SNRPN: variants seen among roughly 807,000 people sequenced by gnomAD.
SNRPN encodes small nuclear ribonucleoprotein-associated protein N.
Under a neutral mutation model 25.2 loss-of-function variants are expected in SNRPN, and 7 were observed. That is an observed-to-expected ratio of 0.28 (90% CI 0.16 to 0.52). The LOEUF is 0.52. Among genes scored for constraint, SNRPN ranks in the 20% least tolerant of loss-of-function variants. SNRPN has a pLI of 0.96. For synonymous variants in SNRPN, 124 were observed against 110.6 expected, an observed-to-expected ratio of 1.12 and a Z score of -0.76; for missense variants, 196 against 322.5, an observed-to-expected ratio of 0.61 and a Z score of 3.00.
chr15:24,925,204 T>G lies in SNRPN; in HGVS notation c.-391+5080T>G, dbSNP rs183515732. ...AATATTGATGCCTCCAAATCCATAG[T>G]ATATATGTTGCTTACTAGCTTATAA... On this transcript the variant is annotated intron_variant, in intron 3 of 11. Coordinates refer to the SNRPN transcript ENST00000400097. Among the ~76,000 whole-genome samples, 149 of 152,244 alleles carry G rather than the reference T, an allele frequency of 9.8e-4. 1 individual carries two copies. Among genetic ancestry groups the G allele is most frequent in the African/African-American group, 3.4e-3 (142 of 41,560 alleles).
At chr15:24,949,202 A>G (rs927745014) in intron 3 of SNRPN, among the ~76,000 whole-genome samples, 1 of 151,130 alleles carries the variant, frequency 6.6e-6, no homozygotes, top group Admixed American at 6.6e-5. Context: ...TTGTATTTTT[A>G]GTAGAGACAA....
intron 2 of SNRPN, among the ~76,000 whole-genome samples, chr15:24,917,539 T>C (rs2059607201): frequency 6.6e-6 from 1 of 152,220 alleles, no homozygotes; most frequent in African/African-American, 2.4e-5. Flanking sequence ...GCTTTCCTCC[T>C]ACCTGCCACC....
chr15:24,966,312 A>G (rs1249976654), intron 2 of SNRPN, among the ~76,000 whole-genome samples: 3 of 152,236 alleles, frequency 2.0e-5, no homozygotes, highest in Admixed American at 6.5e-5. Context: ...ACAAATGAAC[A>G]GATGCATAGA....
chr15:24,847,765 T>C (rs192307958), intron 2 of SNRPN, among the ~76,000 whole-genome samples: 2 of 152,292 alleles, frequency 1.3e-5, no homozygotes, highest in Admixed American at 1.3e-4. Flanking sequence ...GGGTTAAATA[T>C]CAAAGTGAAT....
At chr15:24,977,166 A>G in intron 7 of SNRPN, 137 bp downstream of exon 7, 1 of 603,210 alleles carries the variant, frequency 1.7e-6, no homozygotes, top group South Asian at 3.5e-5. Context: ...ACACAGATAT[A>G]TGGGAGGAAG....
At chr15:24,869,002 A>C (rs1025151025) in intron 1 of SNRPN, among the ~76,000 whole-genome samples, 2 of 152,024 alleles carry the variant, frequency 1.3e-5, no homozygotes, top group African/African-American at 4.8e-5. Context: ...AAAATTAGCC[A>C]GGCATGGTGG....
chr15:24,968,060 A>G lies in SNRPN; in HGVS notation c.-166A>G, dbSNP rs1217101781. The G allele has an allele frequency of 1.2e-6, 2 of 1,606,338 alleles. No homozygotes were observed. The highest frequency in any genetic ancestry group is 1.7e-6 in the Non-Finnish European group (2 of 1,173,042). On this transcript the variant is annotated 5_prime_UTR_variant, in exon 3 of 10. Transcript: ENST00000390687. ...TAAAGCCATATTGGAGTAGCGAGGA[A>G]TCTGATTCCAAGCAAAAACCAGGTT...
chr15:24,850,380 G>C (rs957686284), intron 2 of SNRPN: 1 of 151,474 alleles, frequency 6.6e-6, no homozygotes, highest in Non-Finnish European at 1.5e-5. Context: ...GCACGATCTC[G>C]GCTCTCTGCA....
At chr15:24,918,405 ACATAATATATAT>A (rs2059688381) in intron 2 of SNRPN, among the ~76,000 whole-genome samples, 1 of 70,636 alleles carries the variant, frequency 1.4e-5, no homozygotes, top group Non-Finnish European at 2.8e-5. Context: ...TATATATATA[ACATAATATATAT>A]GTGTATATAT....
chr15:24,930,322 G>A (rs2060727118), intron 3 of SNRPN, among the ~76,000 whole-genome samples: 1 of 151,072 alleles, frequency 6.6e-6, no homozygotes, highest in South Asian at 2.1e-4. Context: ...ATGATGAGAT[G>A]GAGAAATATA....
At chr15:24,871,659 A>G (rs999929021) in intron 1 of SNRPN, among the ~76,000 whole-genome samples, 1 of 151,682 alleles carries the variant, frequency 6.6e-6, no homozygotes. Flanking sequence ...AATCTTTTAT[A>G]TATTCTGAAC....
intron 2 of SNRPN, among the ~76,000 whole-genome samples, chr15:24,834,363 G>C (rs4369637): frequency 0.64 from 97,632 of 151,894 alleles, 31,952 homozygotes; most frequent in East Asian, 0.83. Flanking sequence ...ATTCTAAGAC[G>C]GCTCAGCATG....
intron 1 of SNRPN, among the ~76,000 whole-genome samples, chr15:24,860,388 G>A (rs2053885502): frequency 1.3e-5 from 2 of 152,148 alleles, no homozygotes; most frequent in African/African-American, 4.8e-5. Flanking sequence ...AAGGAAACTG[G>A]AAGTTTTGTG....
intron 3 of SNRPN, among the ~76,000 whole-genome samples, chr15:24,931,093 T>C (rs1017198863): frequency 1.3e-5 from 2 of 152,108 alleles, no homozygotes; most frequent in Non-Finnish European, 2.9e-5. Flanking sequence ...TAAAACTTTT[T>C]TCTAGTTGAG....
At chr15:24,972,927 G>T (rs897003031) in intron 3 of SNRPN, among the ~76,000 whole-genome samples, 1 of 152,052 alleles carries the variant, frequency 6.6e-6, no homozygotes, top group African/African-American at 2.4e-5. Flanking sequence ...TTGCTCTGTT[G>T]CCCAGGCTGG....
chr15:24,913,453 G>T (rs1267658972), intron 2 of SNRPN, among the ~76,000 whole-genome samples: 1 of 152,076 alleles, frequency 6.6e-6, no homozygotes, highest in Non-Finnish European at 1.5e-5. Context: ...GACCAGCCTG[G>T]CCAACATGGT....
chr15:24,975,507 C>A lies in SNRPN; in HGVS notation c.153C>A (p.Ile51=), dbSNP rs747086080. The A allele has an allele frequency of 1.9e-6, 3 of 1,612,732 alleles. No individual in the cohort carries two copies. The South Asian group carries it at 3.3e-5, about 18-fold the overall frequency. Residue 51 remains isoleucine (I), a splice_region_variant and synonymous_variant, in exon 5 of 10, where the codon ATC becomes ATA. Coordinates refer to ENST00000390687, the MANE Select transcript of SNRPN (RefSeq NM_003097.6). Reference sequence around the variant, plus strand: ...GTGATTGTGATGAGTTCAGAAAGATCAAGTAAGGCTGATTTGGGCAAATGG... The same window carrying A: ...GTGATTGTGATGAGTTCAGAAAGATAAAGTAAGGCTGATTTGGGCAAATGG... ...ILCDCDEFRK[I]KPKNAKQPER...
At chr15:24,895,400 AACACACACACACACACAC>A (rs10558727) in intron 2 of SNRPN, among the ~76,000 whole-genome samples, 1 of 147,234 alleles carries the variant, frequency 6.8e-6, no homozygotes. Context: ...AATACACCCA[AACACACACACACACACAC>A]ACACACACAC....
At chr15:24,840,680 G>A (rs948555385) in intron 2 of SNRPN, among the ~76,000 whole-genome samples, 4 of 152,184 alleles carry the variant, frequency 2.6e-5, no homozygotes, top group African/African-American at 4.8e-5. Context: ...TACCCAAAGC[G>A]ACCTAACCAG....
Sources: gnomAD v4.1 joint callset for allele counts (sites outside exome capture counted in the v4.1 genomes callset) on GRCh38, gnomAD v4.1.1 for gene constraint, MANE v1.5 for transcripts, NCBI Gene and HGNC (gene_info 2026-07-23, HGNC 2026-07-21) for gene names.